The following UCK2 variants were observed in gnomAD, a reference collection of about 807,000 sequenced individuals.
UCK2 encodes the protein cytidine monophosphokinase 2.
In UCK2, 6 loss-of-function variants were observed where a neutral mutation model predicts 30.8. The ratio of observed to expected loss-of-function variants is 0.19; its 90% CI spans 0.11 to 0.38. UCK2 has a LOEUF of 0.38. Among genes scored for constraint, UCK2 ranks in the 10% least tolerant of loss-of-function variants. The pLI, the probability that UCK2 is intolerant of heterozygous loss-of-function variation, is 1.00. For missense variants in UCK2, 210 were observed against 339.8 expected (o/e 0.62, Z 3.00); for synonymous variants, 125 against 133.6 (o/e 0.94, Z 0.45).
At chr1:165,885,772 G>A (rs768638031) in intron 1 of UCK2, among the ~76,000 whole-genome samples, 80 of 152,182 alleles carry the variant, frequency 5.3e-4, no homozygotes, top group Non-Finnish European at 9.8e-4. Context: ...CAGTGGTGTG[G>A]ATATGATAAT....
At chr1:165,867,469 A>T (rs868397979) in intron 1 of UCK2, among the ~76,000 whole-genome samples, 14 of 152,256 alleles carry the variant, frequency 9.2e-5, no homozygotes, top group East Asian at 3.9e-4. Context: ...TAAAAAATTT[A>T]AAAAAAATTA....
At chr1:165,881,647 A>G (rs1333331576) in intron 1 of UCK2, among the ~76,000 whole-genome samples, 1 of 152,230 alleles carries the variant, frequency 6.6e-6, no homozygotes, top group East Asian at 1.9e-4. Context: ...TTTGAGGATT[A>G]AATATAACCA....
chr1:165,865,141 C>T (rs1325959975), intron 1 of UCK2, among the ~76,000 whole-genome samples: 1 of 152,180 alleles, frequency 6.6e-6, no homozygotes, highest in Non-Finnish European at 1.5e-5. Flanking sequence ...AACTTAACAA[C>T]CCCCATTATT....
intron 1 of UCK2, among the ~76,000 whole-genome samples, chr1:165,877,793 T>C (rs1316773383): frequency 6.6e-6 from 1 of 152,220 alleles, no homozygotes; most frequent in African/African-American, 2.4e-5. Context: ...TATGGTAGTT[T>C]AGTTGCATGT....
chr1:165,897,060 G>A (rs1451528390), intron 4 of UCK2, among the ~76,000 whole-genome samples: 2 of 152,212 alleles, frequency 1.3e-5, no homozygotes, highest in African/African-American at 2.4e-5. Flanking sequence ...GTAGGGTGAC[G>A]CTATAGGCAA....
chr1:165,907,121 C>T (rs1320287744), intron 6 of UCK2, among the ~76,000 whole-genome samples: 1 of 152,066 alleles, frequency 6.6e-6, no homozygotes, highest in African/African-American at 2.4e-5. Flanking sequence ...TGGCGTGGTC[C>T]TCTTTGTGTA....
rs1557846702 is a variant in UCK2 at position 165,890,212 on chromosome 1, G to A, written c.108G>A (p.Val36=). 1 of 1,614,064 alleles carries A rather than the reference G, an allele frequency of 6.2e-7. No individual in the cohort carries two copies. Among genetic ancestry groups the A allele is most frequent in the Admixed American group, 1.7e-5 (1 of 60,016 alleles). The change falls in exon 2 of 7, where the codon GTG becomes GTA. Residue 36 remains valine (V), a synonymous_variant. Transcript: ENST00000367879. ...SGGTASGKSS[V]CAKIVQLLGQ... Reference sequence around the variant, plus strand: ...CTCTTCTCTCCTCACAGTCTTCCGTGTGTGCTAAGATCGTGCAGCTCCTGG... The same window carrying A: ...CTCTTCTCTCCTCACAGTCTTCCGTATGTGCTAAGATCGTGCAGCTCCTGG...
intron 6 of UCK2, among the ~76,000 whole-genome samples, chr1:165,906,331 G>A (rs1357603479): frequency 1.3e-5 from 2 of 152,136 alleles, no homozygotes; most frequent in Non-Finnish European, 2.9e-5. Context: ...TGCCATCACG[G>A]TAGCCCTTTC....
At chr1:165,845,039 C>A (rs1654415557) in intron 1 of UCK2, among the ~76,000 whole-genome samples, 1 of 152,134 alleles carries the variant, frequency 6.6e-6, no homozygotes, top group Non-Finnish European at 1.5e-5. Context: ...GTCATGAGAA[C>A]CCTGATTTAA....
At chr1:165,841,012 G>A (rs1571265645) in intron 1 of UCK2, among the ~76,000 whole-genome samples, 1 of 152,010 alleles carries the variant, frequency 6.6e-6, no homozygotes, top group African/African-American at 2.4e-5. Context: ...TAACCTGCTA[G>A]AGGCAAGGTA....
chr1:165,847,169 GT>G (rs1654471681), intron 1 of UCK2, among the ~76,000 whole-genome samples: 1 of 152,168 alleles, frequency 6.6e-6, no homozygotes, highest in Non-Finnish European at 1.5e-5. Context: ...CACTGTCTCA[GT>G]GGTACCACTT....
chr1:165,867,184 A>C (rs1375646221), intron 1 of UCK2, among the ~76,000 whole-genome samples: 2 of 152,252 alleles, frequency 1.3e-5, no homozygotes, highest in East Asian at 3.8e-4. Flanking sequence ...AGATACCTTA[A>C]GTTTAAAATG....
intron 1 of UCK2, among the ~76,000 whole-genome samples, chr1:165,838,502 A>G (rs1377273154): frequency 1.3e-5 from 2 of 152,178 alleles, no homozygotes; most frequent in Non-Finnish European, 2.9e-5. Flanking sequence ...TTAAAATTGT[A>G]AACATTAGAC....
intron 1 of UCK2, among the ~76,000 whole-genome samples, chr1:165,852,258 G>C (rs1654616412): frequency 1.3e-5 from 2 of 152,142 alleles, no homozygotes; most frequent in South Asian, 4.1e-4. Flanking sequence ...CACAGCAAAA[G>C]AAACTATCAT....
chr1:165,867,005 G>T (rs1311356642), intron 1 of UCK2, among the ~76,000 whole-genome samples: 1 of 152,156 alleles, frequency 6.6e-6, no homozygotes, highest in Non-Finnish European at 1.5e-5. Context: ...GCAGACCACG[G>T]CAATAAAGTG....
Position 165,911,504 on chromosome 1 carries a change from T to G in UCK2, c.*3681T>G, listed in dbSNP as rs924748550. 6.6e-6 allele frequency: 1 copy of G among 152,234 alleles called. No individual in the cohort carries two copies. Among genetic ancestry groups the G allele is most frequent in the African/African-American group, 2.4e-5 (1 of 41,436 alleles). The allele number at this position is 152,234 out of a possible 1,614,324, so 9.4% of individuals were successfully genotyped here. ...CAGACTTAGGCTTTTTTTTCCCCCC[T>G]TTTAAGATGCTTGCTCCTCTCCCTT... On this transcript the variant is annotated 3_prime_UTR_variant, in exon 7 of 7. Coordinates refer to ENST00000367879, the MANE Select transcript of UCK2 (RefSeq NM_012474.5).
chr1:165,893,752 G>GT (rs532523626), intron 3 of UCK2, among the ~76,000 whole-genome samples: 4 of 152,250 alleles, frequency 2.6e-5, no homozygotes, highest in South Asian at 4.1e-4. Context: ...ATTTGTTGTT[G>GT]TTTTTTAAAA....
chr1:165,851,580 CG>C (rs1246750235), intron 1 of UCK2, among the ~76,000 whole-genome samples: 1 of 152,082 alleles, frequency 6.6e-6, no homozygotes, highest in Non-Finnish European at 1.5e-5. Context: ...AAAATGTAAC[CG>C]TTTCAGGGCT....
intron 1 of UCK2, among the ~76,000 whole-genome samples, chr1:165,859,807 T>C (rs568424024): frequency 6.6e-6 from 1 of 152,268 alleles, no homozygotes; most frequent in Non-Finnish European, 1.5e-5. Flanking sequence ...AGTGAGACCC[T>C]GTCTCAATAA....
Sources: allele counts gnomAD v4.1 joint callset (sites outside exome capture counted in the v4.1 genomes callset), GRCh38; gene constraint gnomAD v4.1.1; transcripts MANE v1.5; gene names NCBI Gene and HGNC (gene_info 2026-07-23, HGNC 2026-07-21).